The following PKP4 variants were observed in gnomAD, a reference collection of about 807,000 sequenced individuals.
The protein encoded by PKP4 is plakophilin 4.
PKP4 carries 90 observed loss-of-function variants against 145.1 expected under a neutral mutation model. The observed-to-expected ratio is 0.62, with a 90% confidence interval of 0.52 to 0.74. The LOEUF (loss-of-function observed/expected upper bound fraction) is 0.74, where lower values mean the gene tolerates loss of function less well. PKP4 is among the 30% of genes least tolerant of loss of function. PKP4 has a pLI of 0.00. For synonymous variants in PKP4, 563 were observed against 577.2 expected (o/e 0.98, Z 0.35); for missense variants, 1,340 against 1,482.7 (o/e 0.90, Z 1.58).
chr2:158,487,649 TA>T (rs1694361193), intron 1 of PKP4, among the ~76,000 whole-genome samples: 1 of 152,178 alleles, frequency 6.6e-6, no homozygotes. Flanking sequence ...AAGGTAAAAA[TA>T]GTTTCTGCAA....
intron 20 of PKP4, among the ~76,000 whole-genome samples, chr2:158,678,353 A>G (rs1289883658): frequency 6.6e-6 from 1 of 152,172 alleles, no homozygotes; most frequent in African/African-American, 2.4e-5. Context: ...AAACACACAC[A>G]GCCTGTTTCT....
At chr2:158,529,854 C>T (rs796658480) in intron 1 of PKP4, among the ~76,000 whole-genome samples, 27 of 152,258 alleles carry the variant, frequency 1.8e-4, no homozygotes, top group African/African-American at 5.5e-4. Flanking sequence ...AATTTTATCT[C>T]CCTCTGCCAA....
intron 1 of PKP4, among the ~76,000 whole-genome samples, chr2:158,531,593 A>G (rs187953540): frequency 3.2e-4 from 49 of 152,310 alleles, no homozygotes; most frequent in African/African-American, 1.1e-3. Context: ...TTACATCTCA[A>G]TAAGCATTCC....
intron 2 of PKP4, among the ~76,000 whole-genome samples, chr2:158,560,332 T>C (rs963767630): frequency 6.6e-6 from 1 of 152,202 alleles, no homozygotes; most frequent in African/African-American, 2.4e-5. Context: ...TTCTCACTCA[T>C]TTGTCATGAG....
rs774460100 is a variant in PKP4 at position 158,621,362 on chromosome 2, G to A, written c.544G>A (p.Gly182Arg). The stretch of plus-strand genomic sequence containing the variant: ...CAACAGACAGCAGCATTCATTCATA[G>A]GATCAACTAACAACCATGTGGTGAG... ...ADNRQQHSFI[G>R]STNNHVVRNS... Residue 182 changes from glycine (G) to arginine (R), a missense_variant, in exon 6 of 22, where the codon GGA becomes AGA. Physicochemically the swap from Gly to Arg is moderately radical, Grantham distance 125. Coordinates refer to ENST00000389759, the MANE Select transcript of PKP4 (RefSeq NM_003628.6). 1.2e-6 allele frequency: 2 copies of A among 1,614,140 alleles called. No individual in the cohort carries two copies. Among genetic ancestry groups the A allele is most frequent in the Non-Finnish European group, 8.5e-7 (1 of 1,180,002 alleles).
At chr2:158,606,887 G>T (rs2050701391) in intron 4 of PKP4, among the ~76,000 whole-genome samples, 1 of 152,104 alleles carries the variant, frequency 6.6e-6, no homozygotes, top group Admixed American at 6.5e-5. Context: ...ACTATATTCA[G>T]TTACAGTTGG....
chr2:158,550,149 AAC>A (rs1553570872), intron 2 of PKP4, among the ~76,000 whole-genome samples: 1 of 152,054 alleles, frequency 6.6e-6, no homozygotes. Flanking sequence ...GAAGAAGTTA[AAC>A]AATCTATTAA....
At chr2:158,554,667 C>T (rs528721310) in intron 2 of PKP4, among the ~76,000 whole-genome samples, 8 of 152,074 alleles carry the variant, frequency 5.3e-5, no homozygotes, top group East Asian at 3.9e-4. Context: ...CCTCGTGATC[C>T]GCCTGCGTCA....
intron 1 of PKP4, among the ~76,000 whole-genome samples, chr2:158,486,944 C>T (rs972912994): frequency 1.3e-5 from 2 of 152,198 alleles, no homozygotes; most frequent in Non-Finnish European, 2.9e-5. Context: ...AGAATGATTA[C>T]AGTCAGAATT....
intron 1 of PKP4, among the ~76,000 whole-genome samples, chr2:158,520,250 T>C (rs1034523299): frequency 2.8e-4 from 43 of 152,306 alleles, no homozygotes; most frequent in African/African-American, 7.7e-4. Flanking sequence ...CAGTGTTGAC[T>C]CTGGTGTTAT....
chr2:158,473,491 G>A (rs537873808), intron 1 of PKP4, among the ~76,000 whole-genome samples: 1 of 152,280 alleles, frequency 6.6e-6, no homozygotes, highest in Admixed American at 6.5e-5. Flanking sequence ...AAAATAACAA[G>A]ATCCGGTCTT....
chr2:158,517,497 G>T (rs1033526486), intron 1 of PKP4, among the ~76,000 whole-genome samples: 1 of 152,128 alleles, frequency 6.6e-6, no homozygotes, highest in Non-Finnish European at 1.5e-5. Flanking sequence ...CTTTTAGATT[G>T]TAAGTTGGAT....
intron 4 of PKP4, among the ~76,000 whole-genome samples, chr2:158,614,022 T>G (rs1341684338): frequency 6.6e-6 from 1 of 152,184 alleles, no homozygotes; most frequent in Non-Finnish European, 1.5e-5. Flanking sequence ...TCAGGAAACC[T>G]TATTTCAGCT....
chr2:158,559,492 A>G (rs1251338762), intron 2 of PKP4, among the ~76,000 whole-genome samples: 2 of 152,080 alleles, frequency 1.3e-5, no homozygotes, highest in South Asian at 4.1e-4. Context: ...AGGAGCCTCA[A>G]GCCCTACGCA....
intron 11 of PKP4, among the ~76,000 whole-genome samples, chr2:158,649,751 CAA>C: frequency 6.6e-6 from 1 of 152,174 alleles, no homozygotes. Context: ...AACTTCTCAG[CAA>C]AAGAGAGGCC....
chr2:158,525,541 A>G (rs2042835808), intron 1 of PKP4, among the ~76,000 whole-genome samples: 1 of 44,750 alleles, frequency 2.2e-5, no homozygotes, highest in Non-Finnish European at 4.0e-5. Context: ...GGAAAGATCC[A>G]AAATTGACAC....
chr2:158,652,890 G>T (rs1366025614), intron 11 of PKP4, among the ~76,000 whole-genome samples: 1 of 152,148 alleles, frequency 6.6e-6, no homozygotes, highest in Non-Finnish European at 1.5e-5. Context: ...CTCCTTGATG[G>T]TTCCTCACAC....
intron 1 of PKP4, among the ~76,000 whole-genome samples, chr2:158,496,430 G>A (rs1294090658): frequency 6.6e-6 from 1 of 152,070 alleles, no homozygotes; most frequent in Non-Finnish European, 1.5e-5. Context: ...GAATTTGTTG[G>A]TGCACCCCTC....
At chr2:158,487,813 G>GAGGGAGGAAGGA (rs964353027) in intron 1 of PKP4, among the ~76,000 whole-genome samples, 1 of 151,876 alleles carries the variant, frequency 6.6e-6, no homozygotes, top group East Asian at 1.9e-4. Flanking sequence ...AAGGGGGAGG[G>GAGGGAGGAAGGA]AGGGAGGAAG....
Sources: allele counts gnomAD v4.1 joint callset (sites outside exome capture counted in the v4.1 genomes callset), GRCh38; gene constraint gnomAD v4.1.1; transcripts MANE v1.5; gene names NCBI Gene and HGNC (gene_info 2026-07-23, HGNC 2026-07-21).